The following HMCN1 variants were observed in gnomAD, a reference collection of about 807,000 sequenced individuals.
HMCN1 encodes the protein hemicentin-1.
HMCN1 carries 321 observed loss-of-function variants against 625.9 expected under a neutral mutation model. That is an observed-to-expected ratio of 0.51 (90% confidence interval 0.47 to 0.56). The LOEUF (loss-of-function observed/expected upper bound fraction) is 0.56. HMCN1 is among the 20% of genes least tolerant of loss of function. The pLI, the probability that HMCN1 is intolerant of heterozygous loss-of-function variation, is 0.00. For synonymous variants in HMCN1, 2,425 were observed against 2,417.6 expected (o/e 1.00, Z -0.09); for missense variants, 6,588 against 6,887.3 (o/e 0.96, Z 1.54).
chr1:185,905,978 A>C (rs1666076792), intron 4 of HMCN1, among the ~76,000 whole-genome samples: 1 of 151,872 alleles, frequency 6.6e-6, no homozygotes, highest in Non-Finnish European at 1.5e-5. Context: ...CTATATAAAC[A>C]GTTATCTAGG....
At chr1:186,179,221 T>C (rs959365490) in intron 104 of HMCN1, among the ~76,000 whole-genome samples, 1 of 152,176 alleles carries the variant, frequency 6.6e-6, no homozygotes, top group Non-Finnish European at 1.5e-5. Context: ...CAACATCCCA[T>C]TGACTGTTGC....
chr1:186,009,964 A>T (rs1653886135), intron 30 of HMCN1, among the ~76,000 whole-genome samples: 1 of 152,076 alleles, frequency 6.6e-6, no homozygotes, highest in Admixed American at 6.6e-5. Context: ...GATTCTCACG[A>T]GAAGCCAGCA....
intron 81 of HMCN1, among the ~76,000 whole-genome samples, chr1:186,123,951 A>C (rs1360476879): frequency 6.6e-6 from 1 of 152,120 alleles, no homozygotes; most frequent in Non-Finnish European, 1.5e-5. Flanking sequence ...TAACAGAGAC[A>C]ATTTTGAGTG....
intron 1 of HMCN1, among the ~76,000 whole-genome samples, chr1:185,787,462 A>C (rs77499672): frequency 6.6e-6 from 1 of 152,198 alleles, no homozygotes; most frequent in East Asian, 1.9e-4. Context: ...ACTGAAGCTC[A>C]TGGCATGCTA....
chr1:185,979,774 A>C (rs1391590897), intron 16 of HMCN1, among the ~76,000 whole-genome samples: 1 of 152,200 alleles, frequency 6.6e-6, no homozygotes, highest in Non-Finnish European at 1.5e-5. Context: ...TCTTTATCTG[A>C]GATAGTATGG....
intron 97 of HMCN1, among the ~76,000 whole-genome samples, chr1:186,159,260 C>T (rs1297792670): frequency 6.6e-6 from 1 of 152,184 alleles, no homozygotes; most frequent in Admixed American, 6.5e-5. Flanking sequence ...GATTTTTGTA[C>T]ATTGATTTTG....
At chr1:185,880,268 C>T (rs1664217712) in intron 4 of HMCN1, among the ~76,000 whole-genome samples, 1 of 151,942 alleles carries the variant, frequency 6.6e-6, no homozygotes, top group South Asian at 2.1e-4. Flanking sequence ...CATAAAAGCT[C>T]AGATTGATGG....
At chr1:186,065,031 TA>T (rs1658016611) in intron 48 of HMCN1, among the ~76,000 whole-genome samples, 1 of 152,148 alleles carries the variant, frequency 6.6e-6, no homozygotes, top group African/African-American at 2.4e-5. Flanking sequence ...GAAAATGATT[TA>T]TAATCTATGC....
At chr1:185,961,331 C>G (rs900989030) in intron 11 of HMCN1, among the ~76,000 whole-genome samples, 1 of 152,158 alleles carries the variant, frequency 6.6e-6, no homozygotes, top group African/African-American at 2.4e-5. Context: ...TCACATCTAA[C>G]TGGCTAACTG....
rs201254359 is a variant in HMCN1 at position 186,119,173 on chromosome 1, A to AT, written c.11849-10dup. ...ACTGAGATGCAGTATATATTAAAACATTTTTTTTCATTTTTAGGAGCAATT... is the reference window on the plus strand; with the variant it reads ...ACTGAGATGCAGTATATATTAAAACATTTTTTTTTCATTTTTAGGAGCAATT... On this transcript the variant is annotated splice_polypyrimidine_tract_variant and intron_variant, in intron 77 of 106. Transcript: ENST00000271588. The AT allele has an allele frequency of 1.6e-3, 2,538 of 1,575,458 alleles. 12 individuals carry two copies. Among genetic ancestry groups the AT allele is most frequent in the Middle Eastern group, 1.8e-3 (11 of 5,980 alleles).
intron 4 of HMCN1, among the ~76,000 whole-genome samples, chr1:185,903,109 T>A (rs556388267): frequency 1.2e-4 from 18 of 151,992 alleles, no homozygotes; most frequent in African/African-American, 4.1e-4. Context: ...TGTAACACAC[T>A]GAAATTGTGA....
intron 13 of HMCN1, among the ~76,000 whole-genome samples, chr1:185,964,260 CTG>C (rs893741976): frequency 6.6e-6 from 1 of 152,078 alleles, no homozygotes. Flanking sequence ...ATATTAAAAA[CTG>C]TGTATAATAT....
intron 48 of HMCN1, among the ~76,000 whole-genome samples, chr1:186,063,066 GCATATATA>G (rs1233408298): frequency 6.3e-4 from 19 of 29,938 alleles, no homozygotes; most frequent in South Asian, 1.3e-3. Flanking sequence ...GTGTGTGTGT[GCATATATA>G]TATATATATA....
chr1:185,981,639 T>C (rs1417619338), intron 17 of HMCN1, among the ~76,000 whole-genome samples: 1 of 152,152 alleles, frequency 6.6e-6, no homozygotes, highest in Non-Finnish European at 1.5e-5. Context: ...TCAGTACATG[T>C]TTCTCATTAA....
At chr1:186,111,356 A>G (rs1660877535) in intron 71 of HMCN1, among the ~76,000 whole-genome samples, 1 of 152,116 alleles carries the variant, frequency 6.6e-6, no homozygotes, top group African/African-American at 2.4e-5. Context: ...AAACATTATA[A>G]GAATCACTCT....
chr1:185,868,899 G>T (rs1379282302), intron 4 of HMCN1, among the ~76,000 whole-genome samples: 2 of 152,128 alleles, frequency 1.3e-5, no homozygotes, highest in African/African-American at 4.8e-5. Context: ...ATCATCAACT[G>T]ATATTCTAAT....
Position 186,151,455 on chromosome 1 carries a change from T to C in HMCN1, c.14758+106T>C, listed in dbSNP as rs1571424360. 3 of 1,306,842 alleles carry C rather than the reference T, an allele frequency of 2.3e-6. No individual in the cohort carries two copies. The East Asian group carries it at 7.2e-5, about 31-fold the overall frequency. 81.0% of individuals were successfully genotyped at this position (1,306,842 alleles called of 1,614,324 possible). On this transcript the variant is annotated intron_variant, in intron 94 of 106. Coordinates refer to ENST00000271588, the MANE Select transcript of HMCN1 (RefSeq NM_031935.3). ...TGCTACTACTAACTCATAAGTATGG[T>C]AAGCTTTTAAACAAACATACATGAG...
At chr1:185,971,210 C>A (rs576799190) in intron 15 of HMCN1, among the ~76,000 whole-genome samples, 1 of 152,238 alleles carries the variant, frequency 6.6e-6, no homozygotes, top group African/African-American at 2.4e-5. Context: ...GGCCCAAGAT[C>A]ATAATTTGAA....
At chr1:186,074,030 A>G (rs1658641203) in intron 52 of HMCN1, among the ~76,000 whole-genome samples, 2 of 152,066 alleles carry the variant, frequency 1.3e-5, no homozygotes, top group East Asian at 1.9e-4. Context: ...GAAATCACCA[A>G]GAGTTATGAG....
Sources: allele counts gnomAD v4.1 joint callset (sites outside exome capture counted in the v4.1 genomes callset), GRCh38; gene constraint gnomAD v4.1.1; transcripts MANE v1.5; gene names NCBI Gene and HGNC (gene_info 2026-07-23, HGNC 2026-07-21).